Variants in ZNF532 observed in about 807,000 individuals in gnomAD.
ZNF532 encodes the protein zinc finger protein 532.
A neutral mutation model predicts 89.3 loss-of-function variants in ZNF532; 22 were observed. The observed-to-expected ratio is 0.25, with a 90% CI of 0.18 to 0.35. The LOEUF (loss-of-function observed/expected upper bound fraction) is 0.35. Among genes scored for constraint, ZNF532 ranks in the 10% least tolerant of loss-of-function variants. The pLI is 1.00. For synonymous variants in ZNF532, 606 were observed against 649.6 expected (o/e 0.93, Z 1.02); for missense variants, 1,132 against 1,643.4 (o/e 0.69, Z 5.38).
At chr18:58,955,855 CT>C (rs1274414766) in intron 7 of ZNF532, among the ~76,000 whole-genome samples, 1 of 152,166 alleles carries the variant, frequency 6.6e-6, no homozygotes, top group African/African-American at 2.4e-5. Context: ...AGGAGCAATA[CT>C]TCAATAATCT....
chr18:58,917,506 G>A (rs1471875913), intron 2 of ZNF532, among the ~76,000 whole-genome samples: 2 of 152,128 alleles, frequency 1.3e-5, no homozygotes, highest in Non-Finnish European at 2.9e-5. Context: ...TGTCCTCTGC[G>A]GGTCGGGGGA....
intron 2 of ZNF532, among the ~76,000 whole-genome samples, chr18:58,872,408 T>A (rs993634510): frequency 6.6e-6 from 1 of 152,180 alleles, no homozygotes; most frequent in Non-Finnish European, 1.5e-5. Context: ...GGGTATTGAT[T>A]TTATCATTTT....
chr18:58,906,500 A>G (rs2059945342), intron 2 of ZNF532, among the ~76,000 whole-genome samples: 1 of 151,806 alleles, frequency 6.6e-6, no homozygotes, highest in African/African-American at 2.4e-5. Context: ...TGGTAGGTGC[A>G]TTTCCTGCCC....
intron 3 of ZNF532, among the ~76,000 whole-genome samples, chr18:58,933,395 TAAAA>T (rs781237028): frequency 1.7e-3 from 263 of 152,204 alleles, no homozygotes; most frequent in Admixed American, 4.2e-3. Context: ...ACAAGAAGAA[TAAAA>T]AAAGTCTTTT....
In ZNF532 at chr18:58,923,066, C is replaced by T. The variant is rs74381048; in HGVS notation, c.2346+2433C>T. Among the ~76,000 whole-genome samples, 747 of 152,152 alleles carry T rather than the reference C, an allele frequency of 4.9e-3. 7 individuals carry two copies. The highest frequency in any genetic ancestry group is 0.016 in the African/African-American group (675 of 41,522). On this transcript the variant is annotated intron_variant, in intron 3 of 9. Transcript: ENST00000591808. ...GAGTACGCAGGTCACCCGTTTGACG[C>T]GGAATCCCAAGGAGTGAATCAGGGC...
chr18:58,962,336 G>A (rs1810361635), intron 7 of ZNF532, among the ~76,000 whole-genome samples: 5 of 152,200 alleles, frequency 3.3e-5, no homozygotes, highest in Admixed American at 3.3e-4. Context: ...GTGTGAGGTG[G>A]ATATTTTAAA....
chr18:58,899,047 T>C (rs2145593893), intron 2 of ZNF532, among the ~76,000 whole-genome samples: 1 of 152,390 alleles, frequency 6.6e-6, no homozygotes, highest in South Asian at 2.1e-4. Flanking sequence ...GCACAGGTGC[T>C]GAGTGCGCGT....
intron 3 of ZNF532, among the ~76,000 whole-genome samples, chr18:58,922,369 A>G (rs530519885): frequency 1.3e-5 from 2 of 152,346 alleles, no homozygotes; most frequent in Admixed American, 1.3e-4. Context: ...AAGATCAAGA[A>G]TACCCCGGTA....
chr18:58,870,867 G>A (rs945743890), intron 2 of ZNF532, among the ~76,000 whole-genome samples: 1 of 152,188 alleles, frequency 6.6e-6, no homozygotes, highest in Non-Finnish European at 1.5e-5. Context: ...AGGCAGAATA[G>A]ATTTGGAAGA....
chr18:58,897,665 A>G (rs2059334836), intron 2 of ZNF532, among the ~76,000 whole-genome samples: 1 of 152,168 alleles, frequency 6.6e-6, no homozygotes, highest in African/African-American at 2.4e-5. Flanking sequence ...ATGTAAAGTT[A>G]AGATTGGCTG....
chr18:58,879,201 G>A (rs950857243), intron 2 of ZNF532, among the ~76,000 whole-genome samples: 3 of 152,198 alleles, frequency 2.0e-5, no homozygotes, highest in Admixed American at 6.5e-5. Flanking sequence ...ATACATTAGC[G>A]TCTCTTGTGT....
rs375795976 is a variant in ZNF532, at chr18:58,983,958, T to G, written c.3412-14T>G. 2 of 1,595,328 alleles carry G rather than the reference T, an allele frequency of 1.3e-6. No individual in the cohort carries two copies. Among genetic ancestry groups the G allele is most frequent in the East Asian group, 2.2e-5 (1 of 44,626 alleles). On this transcript the variant is annotated splice_polypyrimidine_tract_variant and intron_variant, in intron 9 of 9. Transcript: ENST00000591808. Reference sequence around the variant, plus strand: ...TGGTTTTCAGTCGTGTCATTTGCTTTCTTTCCCTGAAAGGTCCCCAGTCCC... The same window carrying G: ...TGGTTTTCAGTCGTGTCATTTGCTTGCTTTCCCTGAAAGGTCCCCAGTCCC...
In ZNF532 at chr18:58,918,650, G is replaced by T; in HGVS notation, c.363G>T (p.Leu121=). The T allele has an allele frequency of 6.2e-7, 1 of 1,614,202 alleles. No individual in the cohort carries two copies. Among genetic ancestry groups the T allele is most frequent in the Non-Finnish European group, 8.5e-7 (1 of 1,180,034 alleles). Residue 121 remains leucine, a synonymous_variant, in exon 3 of 10, where the codon CTG becomes CTT. Transcript: ENST00000591808. ...ATGTGCCTGCCTCTGAGGTGACACT[G>T]AAAGACTCGACATTCAGCCAGTTTA... is the stretch of plus-strand genomic sequence containing the variant. ...KGDVPASEVT[L]KDSTFSQFSP...
chr18:58,941,912 T>C (rs1376359513), intron 5 of ZNF532, among the ~76,000 whole-genome samples: 3 of 150,332 alleles, frequency 2.0e-5, no homozygotes, highest in African/African-American at 7.3e-5. Context: ...CCTTCCTTCC[T>C]TCCCTCCTTC....
At chr18:58,881,803 G>A (rs774570343) in intron 2 of ZNF532, among the ~76,000 whole-genome samples, 1 of 152,204 alleles carries the variant, frequency 6.6e-6, no homozygotes, top group Non-Finnish European at 1.5e-5. Context: ...GACTGATGTG[G>A]CTGTAGCTAC....
At chr18:58,874,980 C>T (rs1942999816) in intron 2 of ZNF532, among the ~76,000 whole-genome samples, 1 of 151,878 alleles carries the variant, frequency 6.6e-6, no homozygotes, top group African/African-American at 2.4e-5. Flanking sequence ...AGCCACTAGC[C>T]ACATATGACT....
rs145856544 is a variant in ZNF532, at chr18:58,874,702, T to C, written c.-18+9123T>C. Among the ~76,000 whole-genome samples, 1,119 of 152,342 alleles carry C rather than the reference T, an allele frequency of 7.3e-3. 8 individuals carry two copies. The highest frequency in any genetic ancestry group is 0.025 in the African/African-American group (1,047 of 41,568). ...TTTTGCTTCTGGAAAAATTTTCCAC[T>C]GAGTGGCTGTACTTTAGGTTGTCTG... On this transcript the variant is annotated intron_variant, in intron 2 of 9. Coordinates refer to ENST00000591808, the MANE Select transcript of ZNF532 (RefSeq NM_001375912.1).
intron 5 of ZNF532, among the ~76,000 whole-genome samples, chr18:58,943,609 C>T (rs1426668060): frequency 4.6e-5 from 7 of 152,140 alleles, no homozygotes; most frequent in African/African-American, 7.2e-5. Flanking sequence ...ATTACAGGCA[C>T]GCGCCACCAT....
chr18:58,907,202 T>A (rs2059983757), intron 2 of ZNF532, among the ~76,000 whole-genome samples: 1 of 152,214 alleles, frequency 6.6e-6, no homozygotes, highest in Non-Finnish European at 1.5e-5. Flanking sequence ...TTTGTTTTTT[T>A]AAAGACGGAG....
Sources: allele counts gnomAD v4.1 joint callset (sites outside exome capture counted in the v4.1 genomes callset), GRCh38; gene constraint gnomAD v4.1.1; transcripts MANE v1.5; gene names NCBI Gene and HGNC (gene_info 2026-07-23, HGNC 2026-07-21).